Variants in SOX6 observed in about 807,000 individuals in gnomAD.
SOX6 encodes the protein transcription factor SOX-6.
A neutral mutation model predicts 97.8 loss-of-function variants in SOX6; 11 were observed. That is an observed-to-expected ratio of 0.11 (90% CI 0.07 to 0.19). SOX6 has a LOEUF of 0.19. Among genes scored for constraint, SOX6 ranks in the 10% least tolerant of loss-of-function variants. SOX6 has a pLI of 1.00. For missense variants in SOX6, 810 were observed against 1,039.5 expected (o/e 0.78, Z 3.04); for synonymous variants, 360 against 371.4 (o/e 0.97, Z 0.35).
intron 1 of SOX6, among the ~76,000 whole-genome samples, chr11:16,438,039 C>T (rs1189012378): frequency 6.6e-6 from 1 of 151,998 alleles, no homozygotes; most frequent in South Asian, 2.1e-4. Context: ...AACAAACCTA[C>T]TAGTTTAAAA....
intron 4 of SOX6, among the ~76,000 whole-genome samples, chr11:16,221,536 A>G (rs888786042): frequency 1.3e-5 from 2 of 152,132 alleles, no homozygotes; most frequent in Admixed American, 1.3e-4. Flanking sequence ...AGCTATTTGT[A>G]TACAGCAACA....
At chr11:16,384,240 T>C (rs965577325) in intron 1 of SOX6, among the ~76,000 whole-genome samples, 2 of 151,910 alleles carry the variant, frequency 1.3e-5, no homozygotes, top group African/African-American at 2.4e-5. Context: ...TCAGAATATA[T>C]AGTTAAAATG....
At chr11:15,973,350 T>C (rs568667263) in intron 15 of SOX6, among the ~76,000 whole-genome samples, 2 of 152,306 alleles carry the variant, frequency 1.3e-5, no homozygotes, top group African/African-American at 4.8e-5. Flanking sequence ...CTTTGCAACA[T>C]AAAGGCAGGG....
intron 4 of SOX6, among the ~76,000 whole-genome samples, chr11:16,512,456 A>G (rs572951025): frequency 2.5e-4 from 38 of 152,358 alleles, no homozygotes; most frequent in African/African-American, 8.7e-4. Flanking sequence ...AAATGAGGAC[A>G]GCAACATTCA....
intron 4 of SOX6, among the ~76,000 whole-genome samples, 175 bp downstream of exon 4, chr11:16,234,407 T>G (rs1852953282): frequency 6.6e-6 from 1 of 152,172 alleles, no homozygotes; most frequent in Non-Finnish European, 1.5e-5. Flanking sequence ...ATTTTTCAGT[T>G]TGTAAACATT....
At chr11:16,559,597 A>G (rs1478214746) in intron 4 of SOX6, among the ~76,000 whole-genome samples, 1 of 152,142 alleles carries the variant, frequency 6.6e-6, no homozygotes. Flanking sequence ...CACCTATACA[A>G]TGATTTCCAT....
chr11:16,015,715 G>A (rs749304083), intron 12 of SOX6, among the ~76,000 whole-genome samples: 2 of 151,990 alleles, frequency 1.3e-5, no homozygotes, highest in Non-Finnish European at 1.5e-5. Context: ...AGGAGTAGGA[G>A]TCTGAAGCAC....
chr11:16,702,902 A>G (rs948077023), intron 3 of SOX6, among the ~76,000 whole-genome samples: 2 of 149,332 alleles, frequency 1.3e-5, no homozygotes, highest in Admixed American at 6.7e-5. Context: ...AAATATATAT[A>G]CATATATATA....
At chr11:16,499,343 A>G (rs1860662416) in intron 4 of SOX6, among the ~76,000 whole-genome samples, 1 of 152,224 alleles carries the variant, frequency 6.6e-6, no homozygotes, top group Non-Finnish European at 1.5e-5. Flanking sequence ...CTAAATGCCC[A>G]CAAGAGAAAG....
chr11:16,533,881 A>T (rs1488447406), intron 4 of SOX6, among the ~76,000 whole-genome samples: 1 of 152,128 alleles, frequency 6.6e-6, no homozygotes, highest in Non-Finnish European at 1.5e-5. Context: ...GTTCCAAACA[A>T]AGATAATTTT....
intron 6 of SOX6, among the ~76,000 whole-genome samples, chr11:16,123,735 G>A (rs1253267632): frequency 6.6e-6 from 1 of 151,996 alleles, no homozygotes; most frequent in Non-Finnish European, 1.5e-5. Flanking sequence ...AGGTGACGCT[G>A]AAGATGACTA....
At chr11:16,506,533 C>CT (rs1331130441) in intron 4 of SOX6, among the ~76,000 whole-genome samples, 2 of 152,114 alleles carry the variant, frequency 1.3e-5, no homozygotes, top group Non-Finnish European at 2.9e-5. Flanking sequence ...TGAGTTAAGA[C>CT]TTGGGGTACT....
rs201136004 is a variant in SOX6 at position 16,654,166 on chromosome 11, C to A, written n.430-41906G>T. 6.6e-5 allele frequency among the ~76,000 whole-genome samples: 10 copies of A among 152,162 alleles called. No individual in the cohort carries two copies. In the East Asian group the frequency reaches 1.2e-3, roughly 18 times the overall value. Reference sequence around the variant, plus strand: ...AAAAGTGCTACATATTGTCATCTCTCTTTTTTTATTTAGAGACAGGCTCTC... The same window carrying A: ...AAAAGTGCTACATATTGTCATCTCTATTTTTTTATTTAGAGACAGGCTCTC... On this transcript the variant is annotated intron_variant and non_coding_transcript_variant, in intron 3 of 5. Transcript: ENST00000524520.
At position 16,356,219 on chromosome 11, in the gene SOX6, CA is replaced by C. The variant is rs34115428; in HGVS notation, c.-131del. ...TCACAAGAAACCTCTGACTGCCAAC[CA>C]AAAAAAAAAAAAACCCAACCCCACA... On this transcript the variant is annotated 5_prime_UTR_variant, in exon 1 of 16. Coordinates refer to ENST00000683767, the MANE Select transcript of SOX6 (RefSeq NM_001367873.1). Among the ~76,000 whole-genome samples, 260 of 126,746 alleles carry C rather than the reference CA, an allele frequency of 2.1e-3. No homozygotes were observed. Among genetic ancestry groups the C allele is most frequent in the Admixed American group, 1.8e-3 (22 of 12,446 alleles). The allele number at this position is 126,746 out of a possible 152,430, so 83.2% of individuals were successfully genotyped here.
chr11:16,523,834 A>T (rs1312940279), intron 4 of SOX6, among the ~76,000 whole-genome samples: 1 of 152,230 alleles, frequency 6.6e-6, no homozygotes, highest in East Asian at 1.9e-4. Flanking sequence ...ACAAACTACC[A>T]TCAGAGAATA....
chr11:16,729,789 A>G (rs1177796569), intron 2 of SOX6, among the ~76,000 whole-genome samples: 2 of 152,266 alleles, frequency 1.3e-5, no homozygotes, highest in East Asian at 3.9e-4. Context: ...GGCAAATTGG[A>G]TAAAGAGTCA....
intron 13 of SOX6, among the ~76,000 whole-genome samples, chr11:15,999,468 A>G (rs1854332425): frequency 6.6e-6 from 1 of 152,212 alleles, no homozygotes; most frequent in Admixed American, 6.5e-5. Flanking sequence ...ATTGTGATAT[A>G]TCCATACAAT....
At chr11:16,540,963 A>G (rs919672863) in intron 4 of SOX6, among the ~76,000 whole-genome samples, 32 of 152,218 alleles carry the variant, frequency 2.1e-4, no homozygotes, top group Admixed American at 3.3e-4. Flanking sequence ...CAGAATTGGA[A>G]AAAACTATTC....
intron 3 of SOX6, among the ~76,000 whole-genome samples, chr11:16,256,518 A>G (rs1853691762): frequency 1.3e-5 from 2 of 151,938 alleles, no homozygotes; most frequent in African/African-American, 4.8e-5. Flanking sequence ...GGTTTAAAAA[A>G]GAACTCTCAG....
Sources: allele counts gnomAD v4.1 joint callset (sites outside exome capture counted in the v4.1 genomes callset), GRCh38; gene constraint gnomAD v4.1.1; transcripts MANE v1.5; gene names NCBI Gene and HGNC (gene_info 2026-07-23, HGNC 2026-07-21).